The following KCND3 variants were observed in gnomAD, a reference collection of about 807,000 sequenced individuals.
KCND3 encodes potassium voltage-gated channel subfamily D member 3.
In KCND3, 9 loss-of-function variants were observed where a neutral mutation model predicts 51.1. The ratio of observed to expected loss-of-function variants is 0.18; its 90% CI spans 0.11 to 0.31. The LOEUF is 0.31. Among genes scored for constraint, KCND3 ranks in the 10% least tolerant of loss-of-function variants. The pLI is 1.00. For synonymous variants in KCND3, 349 were observed against 368.0 expected (o/e 0.95, Z 0.59); for missense variants, 526 against 903.8 (o/e 0.58, Z 5.36).
intron 1 of KCND3, among the ~76,000 whole-genome samples, chr1:111,985,676 G>A (rs1014207031): frequency 2.6e-5 from 4 of 152,206 alleles, no homozygotes; most frequent in African/African-American, 9.7e-5. Context: ...ATCTGAATCA[G>A]AAGAATCCAA....
At chr1:111,977,761 T>A (rs1278018351) in intron 2 of KCND3, among the ~76,000 whole-genome samples, 2 of 152,212 alleles carry the variant, frequency 1.3e-5, no homozygotes, top group East Asian at 3.8e-4. Flanking sequence ...ACAATCATGA[T>A]GCCAAACAAA....
At chr1:111,792,900 A>C (rs1157611551) in intron 2 of KCND3, among the ~76,000 whole-genome samples, 1 of 148,272 alleles carries the variant, frequency 6.7e-6, no homozygotes. Context: ...ATAAAATTAT[A>C]TATATTATAA....
At chr1:111,910,915 T>C (rs1159857043) in intron 2 of KCND3, 1 of 152,188 alleles carries the variant, frequency 6.6e-6, no homozygotes, top group Non-Finnish European at 1.5e-5. Context: ...ATATGCAAAA[T>C]TATGCAGATG....
intron 2 of KCND3, among the ~76,000 whole-genome samples, chr1:111,949,613 T>C (rs969530260): frequency 6.6e-5 from 10 of 152,092 alleles, no homozygotes; most frequent in African/African-American, 2.4e-4. Flanking sequence ...AAAAAATGAA[T>C]TTTCTGTTTT....
At chr1:111,941,128 G>A (rs1222556796) in intron 2 of KCND3, among the ~76,000 whole-genome samples, 1 of 152,164 alleles carries the variant, frequency 6.6e-6, no homozygotes, top group Non-Finnish European at 1.5e-5. Context: ...GGCAGCTGCT[G>A]CTATGTCAGG....
chr1:111,832,589 A>G (rs879707735), intron 2 of KCND3, among the ~76,000 whole-genome samples: 3 of 152,176 alleles, frequency 2.0e-5, no homozygotes, highest in Non-Finnish European at 4.4e-5. Context: ...CAGTGCAGGG[A>G]AAGCTGAGCC....
chr1:111,934,212 T>G (rs1672106292), intron 2 of KCND3, among the ~76,000 whole-genome samples: 2 of 152,152 alleles, frequency 1.3e-5, no homozygotes, highest in African/African-American at 4.8e-5. Flanking sequence ...AGGCTTCAGC[T>G]GAAAGGCCTG....
At chr1:111,884,079 C>A (rs188336546) in intron 2 of KCND3, among the ~76,000 whole-genome samples, 5 of 152,124 alleles carry the variant, frequency 3.3e-5, no homozygotes, top group African/African-American at 9.7e-5. Flanking sequence ...TTATTTGTTC[C>A]GGAATGAATA....
chr1:111,967,244 T>C (rs1674057110), intron 2 of KCND3, among the ~76,000 whole-genome samples: 1 of 151,540 alleles, frequency 6.6e-6, no homozygotes, highest in African/African-American at 2.4e-5. Flanking sequence ...TGCCCTCTGC[T>C]GGGGAGGGTG....
At position 111,775,875 on chromosome 1, in the gene KCND3, T is replaced by C; in HGVS notation, c.*202A>G. 1 of 371,932 alleles carries C rather than the reference T, an allele frequency of 2.7e-6. No homozygotes were observed. Among genetic ancestry groups the C allele is most frequent in the Non-Finnish European group, 5.4e-6 (1 of 186,328 alleles). The allele number at this position is 371,932 out of a possible 1,614,324, so 23.0% of individuals were successfully genotyped here. A position where few individuals can be genotyped will look rare whatever the true frequency, so the allele number is the denominator to read the frequency against. ...CCAGTGAGATGCAGTATCACAGGGC[T>C]ATGTCCACGCTAGCAGCGTGAACCT... On this transcript the variant is annotated 3_prime_UTR_variant, in exon 8 of 8. Transcript: ENST00000302127.
At chr1:111,879,550 G>A (rs914262192) in intron 2 of KCND3, among the ~76,000 whole-genome samples, 1 of 152,326 alleles carries the variant, frequency 6.6e-6, no homozygotes, top group Middle Eastern at 3.4e-3. Flanking sequence ...GTGCTATGGG[G>A]CTGAAAAGAG....
chr1:111,856,019 C>T (rs1279366227), intron 2 of KCND3, among the ~76,000 whole-genome samples: 2 of 152,216 alleles, frequency 1.3e-5, no homozygotes, highest in Non-Finnish European at 2.9e-5. Context: ...TCTTTTCTCC[C>T]TCCAGGCTCT....
intron 2 of KCND3, among the ~76,000 whole-genome samples, chr1:111,935,602 A>T (rs1003786701): frequency 4.2e-4 from 64 of 152,224 alleles, no homozygotes; most frequent in African/African-American, 1.3e-3. Context: ...AATAATGATA[A>T]TGATGGAGAT....
intron 2 of KCND3, among the ~76,000 whole-genome samples, chr1:111,802,628 T>C (rs1026696302): frequency 2.0e-5 from 3 of 152,214 alleles, no homozygotes; most frequent in African/African-American, 7.2e-5. Context: ...CATGTCTCTC[T>C]ACCCACCAGA....
At chr1:111,896,918 A>G (rs191499487) in intron 2 of KCND3, among the ~76,000 whole-genome samples, 1 of 152,334 alleles carries the variant, frequency 6.6e-6, no homozygotes, top group Admixed American at 6.5e-5. Flanking sequence ...CACATACCAC[A>G]TGTGTAAGTG....
chr1:111,866,487 A>T (rs1218321834), intron 2 of KCND3, among the ~76,000 whole-genome samples: 1 of 151,314 alleles, frequency 6.6e-6, no homozygotes, highest in African/African-American at 2.4e-5. Context: ...CTGGTCTTGA[A>T]TCCCTGAGCC....
At position 111,865,273 on chromosome 1, in the gene KCND3, C is replaced by T. The variant is rs561641938; in HGVS notation, c.1107-78167G>A. Among the ~76,000 whole-genome samples, 14 of 152,366 alleles carry T rather than the reference C, an allele frequency of 9.2e-5. No individual in the cohort carries two copies. In the South Asian group the frequency reaches 1.4e-3, roughly 16 times the overall value. ...CTTCCTAACACAAGAATTCACAGAA[C>T]GGCCACAGGTCTTGCCTTCGGCTAT... On this transcript the variant is annotated intron_variant, in intron 2 of 7. Transcript: ENST00000302127.
In KCND3 at chr1:111,844,674, G is replaced by A. The variant is rs146982790; in HGVS notation, c.1107-57568C>T. On this transcript the variant is annotated intron_variant, in intron 2 of 7. Transcript: ENST00000302127. ...ACTTGAGACAGAAGATCTTGCCTCTGATGTTCCACAGAAAATGGTGGCCAC... is the reference window on the plus strand; with the variant it reads ...ACTTGAGACAGAAGATCTTGCCTCTAATGTTCCACAGAAAATGGTGGCCAC... Among the ~76,000 whole-genome samples, 10 of 152,294 alleles carry A rather than the reference G, an allele frequency of 6.6e-5. No homozygotes were observed. The East Asian group carries it at 9.6e-4, about 15-fold the overall frequency.
chr1:111,925,257 C>G (rs752170505), intron 2 of KCND3, among the ~76,000 whole-genome samples: 33 of 152,226 alleles, frequency 2.2e-4, no homozygotes, highest in Non-Finnish European at 4.4e-4. Flanking sequence ...AGAGCATTTG[C>G]TGTACGTGGG....
Sources: gnomAD v4.1 joint callset for allele counts (sites outside exome capture counted in the v4.1 genomes callset) on GRCh38, gnomAD v4.1.1 for gene constraint, MANE v1.5 for transcripts, NCBI Gene and HGNC (gene_info 2026-07-23, HGNC 2026-07-21) for gene names.